AP1M1: variants seen among roughly 807,000 people sequenced by gnomAD.
AP1M1 encodes the protein AP-1 complex subunit mu-1.
In AP1M1, 18 loss-of-function variants were observed where a neutral mutation model predicts 57.1. The ratio of observed to expected loss-of-function variants is 0.32; its 90% CI spans 0.22 to 0.47. AP1M1 has a LOEUF of 0.47. AP1M1 is among the 20% of genes least tolerant of loss of function. The probability of loss-of-function intolerance (pLI) is 1.00; values close to 1 mark genes in which losing one functional copy is unlikely to be tolerated. For synonymous variants in AP1M1, 241 were observed against 237.9 expected (o/e 1.01, Z -0.12); for missense variants, 362 against 593.5 (o/e 0.61, Z 4.05).
chr19:16,215,031 A>G (rs1473524539), intron 5 of AP1M1, among the ~76,000 whole-genome samples: 5 of 151,424 alleles, frequency 3.3e-5, no homozygotes, highest in African/African-American at 1.2e-4. Flanking sequence ...TTACAGGTTG[A>G]GCCACCACAC....
intron 4 of AP1M1, 118 bp downstream of exon 4, chr19:16,208,267 C>T (rs533371600): frequency 2.6e-5 from 30 of 1,164,262 alleles, no homozygotes; most frequent in Non-Finnish European, 3.4e-5. Context: ...ACCTGCCTCC[C>T]ACCTCCAGCA....
intron 1 of AP1M1, among the ~76,000 whole-genome samples, chr19:16,199,850 T>C (rs1355238911): frequency 6.6e-6 from 1 of 152,170 alleles, no homozygotes; most frequent in Non-Finnish European, 1.5e-5. Flanking sequence ...CTTGGCTTGC[T>C]TATTCCTTCA....
rs572209901 is a variant in AP1M1 at position 16,228,664 on chromosome 19, G to A, written c.889-106G>A. The A allele has an allele frequency of 3.5e-5, 47 of 1,325,316 alleles. No individual in the cohort carries two copies. In the South Asian group the frequency reaches 6.0e-4, roughly 17 times the overall value. The allele number at this position is 1,325,316 out of a possible 1,614,324, so 82.1% of individuals were successfully genotyped here. On this transcript the variant is annotated intron_variant, in intron 8 of 11. Transcript: ENST00000291439. This position sits in a 1 kb window ranked among gnomAD's most constrained non-coding sequence, Gnocchi z 5.0. Reference sequence around the variant, plus strand: ...CCTGGAGAAGTGGGGCCAGGGGCGGGGCTAGGGAGGATCCCCCGGGCCAGG... The same window carrying A: ...CCTGGAGAAGTGGGGCCAGGGGCGGAGCTAGGGAGGATCCCCCGGGCCAGG...
rs2091431058 is a variant in AP1M1, at chr19:16,198,000, C to CCGCTGCCGCCGCCACCGCCCTCGGA, written c.-19_-18insCCGCCACCGCCCTCGGACGCTGCCG. 1 of 1,563,126 alleles carries CCGCTGCCGCCGCCACCGCCCTCGGA rather than the reference C, an allele frequency of 6.4e-7. No individual in the cohort carries two copies. The highest frequency in any genetic ancestry group is 1.2e-5 in the South Asian group (1 of 86,130). On this transcript the variant is annotated 5_prime_UTR_variant, in exon 1 of 12. Coordinates refer to ENST00000291439, the MANE Select transcript of AP1M1 (RefSeq NM_032493.4). ...TCGCTGCCGCCGCCACCGCCCTCGG[C>CCGCTGCCGCCGCCACCGCCCTCGGA]CGCTGCCGAGGCCTCCTGCAGCCAT...
intron 5 of AP1M1, 69 bp from the exon 6 acceptor site, chr19:16,226,352 C>G (rs528970187): frequency 6.7e-7 from 1 of 1,490,696 alleles, no homozygotes; most frequent in South Asian, 1.3e-5. Context: ...CAGAGGGTCA[C>G]ATGATGTGGT....
chr19:16,222,459 C>T (rs1041926097), intron 5 of AP1M1, among the ~76,000 whole-genome samples: 6 of 149,720 alleles, frequency 4.0e-5, no homozygotes, highest in Non-Finnish European at 7.4e-5. Flanking sequence ...GTGATCTTCC[C>T]ACCTCAGCCT....
chr19:16,204,281 C>T (rs1198074952), intron 2 of AP1M1, among the ~76,000 whole-genome samples: 3 of 152,086 alleles, frequency 2.0e-5, no homozygotes, highest in Non-Finnish European at 4.4e-5. Flanking sequence ...TCCTTGGGCC[C>T]ATGGGGAGAC....
Position 16,228,233 on chromosome 19 carries a change from G to T in AP1M1, c.888+25G>T. The stretch of plus-strand genomic sequence containing the variant: ...GGTGCGTGGGCCGAGGCCACCCACT[G>T]AGGGCCTTCTGGTGTCTCTGGCCCG... On this transcript the variant is annotated intron_variant, in intron 8 of 11. Transcript: ENST00000291439. The surrounding 1 kb of genome is among the most constrained non-coding windows in gnomAD (Gnocchi z 5.0). The T allele has an allele frequency of 6.2e-7, 1 of 1,611,278 alleles. No homozygotes were observed.
At chr19:16,199,378 A>G (rs1468991483) in intron 1 of AP1M1, among the ~76,000 whole-genome samples, 1 of 152,174 alleles carries the variant, frequency 6.6e-6, no homozygotes, top group Non-Finnish European at 1.5e-5. Context: ...CACCTTTTAG[A>G]AATGGTCCTC....
intron 5 of AP1M1, 79 bp downstream of exon 5, chr19:16,209,256 CA>C (rs2091483197): frequency 6.5e-7 from 1 of 1,546,384 alleles, no homozygotes; most frequent in South Asian, 1.2e-5. Context: ...TTAAAACTGG[CA>C]AAGCCCCGAG....
rs2091639183 is a variant in AP1M1, at chr19:16,239,964, T to G, written c.*5529T>G. On this transcript the variant is annotated 3_prime_UTR_variant, in exon 12 of 12. Coordinates refer to ENST00000291439, the MANE Select transcript of AP1M1 (RefSeq NM_032493.4). Reference sequence around the variant, plus strand: ...CATCCATGGGTTCTGCATCCATGGATTCAACCAAGAGTGAGTTGAAAATAT... The same window carrying G: ...CATCCATGGGTTCTGCATCCATGGAGTCAACCAAGAGTGAGTTGAAAATAT... 1 of 152,134 alleles carries G rather than the reference T, an allele frequency of 6.6e-6. No individual in the cohort carries two copies. Among genetic ancestry groups the G allele is most frequent in the Non-Finnish European group, 1.5e-5 (1 of 68,024 alleles). The allele number at this position is 152,134 out of a possible 1,614,324, so 9.4% of individuals were successfully genotyped here.
intron 5 of AP1M1, among the ~76,000 whole-genome samples, chr19:16,218,135 G>C (rs1209713213): frequency 1.3e-5 from 2 of 152,244 alleles, no homozygotes; most frequent in Non-Finnish European, 2.9e-5. Flanking sequence ...CTGCAGAGCT[G>C]CCTCTGAGCT....
In AP1M1 at chr19:16,206,500, C is replaced by A; in HGVS notation, c.267+92C>A. 3 of 1,356,106 alleles carry A rather than the reference C, an allele frequency of 2.2e-6. No homozygotes were observed. The highest frequency in any genetic ancestry group is 2.1e-6 in the Non-Finnish European group (2 of 955,228). The allele number at this position is 1,356,106 out of a possible 1,614,324, so 84.0% of individuals were successfully genotyped here. A position where few individuals can be genotyped will look rare whatever the true frequency, so the allele number is the denominator to read the frequency against. The stretch of plus-strand genomic sequence containing the variant: ...CCATACCTGGCCACCCTACAGAGAG[C>A]TGTGGCATCCCCAGGGAGCACTGGG... On this transcript the variant is annotated intron_variant, in intron 3 of 11. Coordinates refer to ENST00000291439, the MANE Select transcript of AP1M1 (RefSeq NM_032493.4). The surrounding 1 kb of genome is among the most constrained non-coding windows in gnomAD (Gnocchi z 4.3).
chr19:16,225,453 C>T (rs776554612), intron 5 of AP1M1, among the ~76,000 whole-genome samples: 32 of 152,186 alleles, frequency 2.1e-4, no homozygotes, highest in Non-Finnish European at 3.8e-4. Flanking sequence ...GCCCTCAGCA[C>T]GGGGCCTCTG....
In AP1M1 at chr19:16,233,570, G is replaced by A. The variant is rs199981304; in HGVS notation, c.1125G>A (p.Pro375=). ...CCGAAGACAAGGAGGGCAAGCCCCCGATCAGTGTCAAGTTCGAGATCCCTT... is the reference window on the plus strand; with the variant it reads ...CCGAAGACAAGGAGGGCAAGCCCCCAATCAGTGTCAAGTTCGAGATCCCTT... ...VEAEDKEGKP[P]ISVKFEIPYF... is the part of the protein sequence containing the mutation. The change falls in exon 10 of 12, where the codon CCG becomes CCA. Residue 375 remains proline (P), a synonymous_variant. Coordinates refer to ENST00000291439, the MANE Select transcript of AP1M1 (RefSeq NM_032493.4). 6.8e-6 allele frequency: 11 copies of A among 1,610,220 alleles called. No homozygotes were observed. Among genetic ancestry groups the A allele is most frequent in the East Asian group, 6.7e-5 (3 of 44,774 alleles).
intron 5 of AP1M1, among the ~76,000 whole-genome samples, chr19:16,221,186 G>A (rs2091542831): frequency 6.6e-6 from 1 of 152,158 alleles, no homozygotes; most frequent in African/African-American, 2.4e-5. Flanking sequence ...GGAGTGCAAT[G>A]GCACAATCTT....
chr19:16,241,912 G>C lies in AP1M1; in HGVS notation c.*7477G>C, dbSNP rs1349844001. On this transcript the variant is annotated 3_prime_UTR_variant, in exon 12 of 12. Coordinates refer to ENST00000291439, the MANE Select transcript of AP1M1 (RefSeq NM_032493.4). ...GGAGGGTGAGGCAGGAGAATCGCTT[G>C]AACCTGGGAGGCAGAGGTTGTGGTG... is the stretch of plus-strand genomic sequence containing the variant. 1 of 152,460 alleles carries C rather than the reference G, an allele frequency of 6.6e-6. No homozygotes were observed. Among genetic ancestry groups the C allele is most frequent in the Non-Finnish European group, 1.5e-5 (1 of 68,340 alleles). 9.4% of individuals were successfully genotyped at this position (152,460 alleles called of 1,614,324 possible).
intron 5 of AP1M1, among the ~76,000 whole-genome samples, chr19:16,218,383 GTCGAGGGGT>G (rs2091527978): frequency 6.6e-6 from 1 of 152,228 alleles, no homozygotes; most frequent in Admixed American, 6.5e-5. Flanking sequence ...GGCCGTGGCA[GTCGAGGGGT>G]CCTTCCTGCC....
chr19:16,236,359 G>C lies in AP1M1; in HGVS notation c.*1924G>C, dbSNP rs1293163640. 6.6e-6 allele frequency: 1 copy of C among 152,290 alleles called. No individual in the cohort carries two copies. Among genetic ancestry groups the C allele is most frequent in the Non-Finnish European group, 1.5e-5 (1 of 68,100 alleles). 9.4% of individuals were successfully genotyped at this position (152,290 alleles called of 1,614,324 possible). On this transcript the variant is annotated 3_prime_UTR_variant, in exon 12 of 12. Coordinates refer to ENST00000291439, the MANE Select transcript of AP1M1 (RefSeq NM_032493.4). The stretch of plus-strand genomic sequence containing the variant: ...CTGTAGAAATGCAGGAAATGAAGCA[G>C]ACGCACCTAGCCGTGCCCATAAAAA...
Sources: gnomAD v4.1 joint callset for allele counts (sites outside exome capture counted in the v4.1 genomes callset) on GRCh38, gnomAD v4.1.1 for gene constraint, Gnocchi (gnomAD v3.1) non-coding constraint, MANE v1.5 for transcripts, NCBI Gene and HGNC (gene_info 2026-07-23, HGNC 2026-07-21) for gene names.